The following ZMYND8 variants were observed in gnomAD, a reference collection of about 807,000 sequenced individuals.
ZMYND8 encodes MYND-type zinc finger-containing chromatin reader ZMYND8.
In ZMYND8, 37 loss-of-function variants were observed where a neutral mutation model predicts 140.8. The ratio of observed to expected loss-of-function variants is 0.26; its 90% CI spans 0.20 to 0.35. The LOEUF (loss-of-function observed/expected upper bound fraction) is 0.35. Ranked by LOEUF, ZMYND8 falls within the 10% of genes least tolerant of loss-of-function variation. ZMYND8 has a pLI of 1.00. For synonymous variants in ZMYND8, 592 were observed against 597.1 expected (o/e 0.99, Z 0.12); for missense variants, 1,068 against 1,570.0 (o/e 0.68, Z 5.40).
intron 12 of ZMYND8, among the ~76,000 whole-genome samples, chr20:47,258,826 C>G (rs150665868): frequency 1.3e-5 from 2 of 152,124 alleles, no homozygotes; most frequent in Non-Finnish European, 2.9e-5. Flanking sequence ...TCCCCACCCA[C>G]GGCACTTCCA....
chr20:47,326,713 G>A (rs750088853), intron 2 of ZMYND8, among the ~76,000 whole-genome samples: 3 of 152,092 alleles, frequency 2.0e-5, no homozygotes, highest in Admixed American at 6.6e-5. Flanking sequence ...GCTCAGCTTC[G>A]ACTGGGAAAA....
chr20:47,232,686 G>A (rs2038672849), intron 16 of ZMYND8, among the ~76,000 whole-genome samples: 1 of 152,180 alleles, frequency 6.6e-6, no homozygotes, highest in Non-Finnish European at 1.5e-5. Context: ...GCAAACAGCT[G>A]GGACTAAATC....
In ZMYND8 at chr20:47,325,106, T is replaced by C. The variant is rs182533619; in HGVS notation, c.86-14902A>G. On this transcript the variant is annotated intron_variant, in intron 2 of 22. Coordinates refer to ENST00000471951, the MANE Select transcript of ZMYND8 (RefSeq NM_001281775.3). Reference sequence around the variant, plus strand: ...TTTTGGTAGAGACGGGGTTTCACCATGTTTGCCAGGCTGCTCTCAAACTCC... The same window carrying C: ...TTTTGGTAGAGACGGGGTTTCACCACGTTTGCCAGGCTGCTCTCAAACTCC... Among the ~76,000 whole-genome samples, 873 of 152,264 alleles carry C rather than the reference T, an allele frequency of 5.7e-3. 10 individuals carry two copies. The highest frequency in any genetic ancestry group is 0.027 in the Admixed American group (409 of 15,286).
At chr20:47,234,592 T>A (rs1390270501) in intron 16 of ZMYND8, among the ~76,000 whole-genome samples, 4 of 152,230 alleles carry the variant, frequency 2.6e-5, no homozygotes, top group Non-Finnish European at 4.4e-5. Context: ...CCCAGATTCC[T>A]GACCCACACA....
chr20:47,231,589 C>T (rs2038492119), intron 16 of ZMYND8, among the ~76,000 whole-genome samples: 1 of 152,016 alleles, frequency 6.6e-6, no homozygotes, highest in Non-Finnish European at 1.5e-5. Flanking sequence ...GCTGCCAAAC[C>T]CCAAAATAGT....
intron 2 of ZMYND8, among the ~76,000 whole-genome samples, chr20:47,325,096 G>T (rs2080304036): frequency 6.6e-6 from 1 of 151,990 alleles, no homozygotes; most frequent in Non-Finnish European, 1.5e-5. Context: ...GTAGAGACGG[G>T]GTTTCACCAT....
intron 2 of ZMYND8, among the ~76,000 whole-genome samples, chr20:47,313,852 GA>G: frequency 6.6e-6 from 1 of 152,028 alleles, no homozygotes; most frequent in South Asian, 2.1e-4. Context: ...AGAATCGATT[GA>G]GCCCAGGAGG....
At chr20:47,347,175 C>T (rs569375190) in intron 2 of ZMYND8, among the ~76,000 whole-genome samples, 180 of 152,276 alleles carry the variant, frequency 1.2e-3, no homozygotes, top group Middle Eastern at 3.4e-3. Flanking sequence ...ACGAAAAATA[C>T]TCCAGTAGCT....
chr20:47,324,739 A>G (rs1569201516), intron 2 of ZMYND8, among the ~76,000 whole-genome samples: 1 of 151,866 alleles, frequency 6.6e-6, no homozygotes, highest in Non-Finnish European at 1.5e-5. Flanking sequence ...CCCTTCATCT[A>G]TAATGTTCTG....
At chr20:47,284,408 C>A (rs564294202) in intron 8 of ZMYND8, among the ~76,000 whole-genome samples, 3 of 152,140 alleles carry the variant, frequency 2.0e-5, no homozygotes, top group African/African-American at 7.2e-5. Flanking sequence ...AGGAGGGATG[C>A]GGGACTACTG....
intron 13 of ZMYND8, among the ~76,000 whole-genome samples, chr20:47,247,767 G>T (rs1056045892): frequency 2.0e-5 from 3 of 152,182 alleles, no homozygotes; most frequent in East Asian, 1.9e-4. Flanking sequence ...GGGCATGGGG[G>T]ATCAGCTGGA....
At chr20:47,267,282 G>A (rs2075596933) in intron 11 of ZMYND8, among the ~76,000 whole-genome samples, 1 of 152,132 alleles carries the variant, frequency 6.6e-6, no homozygotes, top group South Asian at 2.1e-4. Flanking sequence ...GATGGGGAGT[G>A]GCTGTTTGGT....
At position 47,348,057 on chromosome 20, in the gene ZMYND8, G is replaced by A. The variant is rs538222217; in HGVS notation, c.15-131C>T. The stretch of plus-strand genomic sequence containing the variant: ...TCATCCTTATCCAGGGCTGGGGGAG[G>A]AAACCCACACCTGATTTCAACAAAG... On this transcript the variant is annotated intron_variant, in intron 1 of 22. Coordinates refer to ENST00000471951, the MANE Select transcript of ZMYND8 (RefSeq NM_001281775.3). The A allele has an allele frequency of 3.3e-5, 28 of 842,210 alleles. No homozygotes were observed. In the African/African-American group the frequency reaches 3.5e-4, roughly 11 times the overall value. The allele number at this position is 842,210 out of a possible 1,614,324, so 52.2% of individuals were successfully genotyped here. A position where few individuals can be genotyped will look rare whatever the true frequency, so the allele number is the denominator to read the frequency against.
At chr20:47,234,817 G>C (rs977927204) in intron 16 of ZMYND8, among the ~76,000 whole-genome samples, 1 of 151,958 alleles carries the variant, frequency 6.6e-6, no homozygotes, top group African/African-American at 2.4e-5. Context: ...ATATAATAAA[G>C]CTAACTCTTT....
At chr20:47,292,828 G>A (rs2077352484) in intron 5 of ZMYND8, among the ~76,000 whole-genome samples, 2 of 152,068 alleles carry the variant, frequency 1.3e-5, no homozygotes, top group South Asian at 4.2e-4. Flanking sequence ...GAGGCAGGAG[G>A]ATCATTTAAG....
chr20:47,332,140 G>A (rs2081007272), intron 2 of ZMYND8, among the ~76,000 whole-genome samples: 1 of 152,094 alleles, frequency 6.6e-6, no homozygotes, highest in Non-Finnish European at 1.5e-5. Flanking sequence ...GTGAAACCCC[G>A]TCTCTACTAA....
chr20:47,244,982 G>A (rs910095953), intron 14 of ZMYND8, among the ~76,000 whole-genome samples: 36 of 152,156 alleles, frequency 2.4e-4, no homozygotes, highest in African/African-American at 8.2e-4. Context: ...ACTTGAACCC[G>A]GGAGGCGGAG....
chr20:47,298,717 T>C lies in ZMYND8; in HGVS notation c.453+12A>G, dbSNP rs960263193. On this transcript the variant is annotated intron_variant, in intron 4 of 22. Coordinates refer to ENST00000471951, the MANE Select transcript of ZMYND8 (RefSeq NM_001281775.3). This position sits in a 1 kb window ranked among gnomAD's most constrained non-coding sequence, Gnocchi z 5.0. ...ACGAGGCAGGTAATGCATTCATTCATCAGGAACTAACCTCACATTCAGGAC... is the reference window on the plus strand; with the variant it reads ...ACGAGGCAGGTAATGCATTCATTCACCAGGAACTAACCTCACATTCAGGAC... The C allele has an allele frequency of 3.1e-6, 5 of 1,609,504 alleles. No homozygotes were observed. In the African/African-American group the frequency reaches 6.7e-5, roughly 21 times the overall value.
chr20:47,248,357 C>T (rs1478442015), intron 13 of ZMYND8, among the ~76,000 whole-genome samples: 2 of 152,228 alleles, frequency 1.3e-5, no homozygotes, highest in African/African-American at 4.8e-5. Context: ...CCAAATTTCA[C>T]CCATGCCACC....
Sources: gnomAD v4.1 joint callset for allele counts (sites outside exome capture counted in the v4.1 genomes callset) on GRCh38, gnomAD v4.1.1 for gene constraint, Gnocchi (gnomAD v3.1) non-coding constraint, MANE v1.5 for transcripts, NCBI Gene and HGNC (gene_info 2026-07-23, HGNC 2026-07-21) for gene names.